The following CACNA1E variants were observed in gnomAD, a reference collection of about 807,000 sequenced individuals.
CACNA1E encodes the protein voltage-dependent R-type calcium channel subunit alpha-1E.
In CACNA1E, 40 loss-of-function variants were observed where a neutral mutation model predicts 259.2. That is an observed-to-expected ratio of 0.15 (90% CI 0.12 to 0.20). The LOEUF (loss-of-function observed/expected upper bound fraction) is 0.20. CACNA1E is among the 10% of genes least tolerant of loss of function. CACNA1E has a pLI of 1.00. For synonymous variants in CACNA1E, 1,104 were observed against 1,138.5 expected (o/e 0.97, Z 0.61); for missense variants, 1,874 against 3,040.1 (o/e 0.62, Z 9.02).
chr1:181,679,432 G>C (rs1169472284), intron 7 of CACNA1E, among the ~76,000 whole-genome samples: 6 of 152,206 alleles, frequency 3.9e-5, no homozygotes, highest in African/African-American at 1.2e-4. Flanking sequence ...AAAATGCACA[G>C]AGCAAAGGTC....
At chr1:181,526,895 A>T (rs543311687) in intron 3 of CACNA1E, among the ~76,000 whole-genome samples, 8 of 152,240 alleles carry the variant, frequency 5.3e-5, no homozygotes, top group Non-Finnish European at 1.2e-4. Flanking sequence ...TAGATTTTCA[A>T]CAATAGTACC....
intron 1 of CACNA1E, among the ~76,000 whole-genome samples, chr1:181,341,087 A>C (rs994813821): frequency 3.3e-5 from 5 of 152,120 alleles, no homozygotes; most frequent in African/African-American, 9.7e-5. Context: ...CCAGGTTCTT[A>C]AAGTTACTCC....
chr1:181,783,558 G>A, intron 39 of CACNA1E, 121 bp from the exon 40 acceptor site: 1 of 596,016 alleles, frequency 1.7e-6, no homozygotes, highest in Non-Finnish European at 3.1e-6. Flanking sequence ...CAGGGGATGG[G>A]GATCCTTGCC....
Position 181,789,409 on chromosome 1 carries a change from T to G in CACNA1E, c.5787-1036T>G, listed in dbSNP as rs925284275. ...TTCCTATGGATTGTTTTTAAGTAATTGGCAATCCTTGCTCATGCCTTGAGT... is the reference window on the plus strand; with the variant it reads ...TTCCTATGGATTGTTTTTAAGTAATGGGCAATCCTTGCTCATGCCTTGAGT... On this transcript the variant is annotated intron_variant, in intron 43 of 47. Coordinates refer to ENST00000367573, the MANE Select transcript of CACNA1E (RefSeq NM_001205293.3). Among the ~76,000 whole-genome samples the G allele has an allele frequency of 2.6e-5, 4 of 152,192 alleles. No individual in the cohort carries two copies. In the East Asian group the frequency reaches 7.7e-4, roughly 29 times the overall value.
chr1:181,403,830 A>C (rs1657272859), intron 1 of CACNA1E, among the ~76,000 whole-genome samples: 1 of 152,072 alleles, frequency 6.6e-6, no homozygotes, highest in African/African-American at 2.4e-5. Flanking sequence ...GGTTGATTGA[A>C]TCTGGGGCTC....
intron 1 of CACNA1E, among the ~76,000 whole-genome samples, chr1:181,369,557 C>A (rs1654533333): frequency 6.6e-6 from 1 of 152,144 alleles, no homozygotes; most frequent in African/African-American, 2.4e-5. Context: ...GACCGCATAC[C>A]AGGAGACATT....
chr1:181,505,335 G>T (rs1390818778), intron 1 of CACNA1E, among the ~76,000 whole-genome samples: 3 of 151,996 alleles, frequency 2.0e-5, no homozygotes, highest in Non-Finnish European at 4.4e-5. Context: ...CTTCCAGCAA[G>T]ACAGAATTTT....
At position 181,732,661 on chromosome 1, in the gene CACNA1E, G is replaced by A; in HGVS notation, c.2575G>A (p.Asp859Asn). 5 of 1,518,582 alleles carry A rather than the reference G, an allele frequency of 3.3e-6. No individual in the cohort carries two copies. Among genetic ancestry groups the A allele is most frequent in the Non-Finnish European group, 4.4e-6 (5 of 1,135,692 alleles). 94.1% of individuals were successfully genotyped at this position (1,518,582 alleles called of 1,614,324 possible). ...CAGCCGTGGGGGGTCCCTCAAGGGG[G>A]ATGGAGGGGACCGATCCAGTGCCCT... ...RISRGGSLKG[D>N]GGDRSSALDN... The change falls in exon 20 of 48, where the codon GAT (aspartate) becomes AAT (asparagine). Residue 859 changes from aspartate to asparagine, a missense_variant. This residue lies in a region of CACNA1E where 476 missense variants were observed against 514.0 expected (regional missense o/e 0.93). Transcript: ENST00000367573. The surrounding 1 kb of genome is among the most constrained non-coding windows in gnomAD (Gnocchi z 5.5).
chr1:181,580,621 C>T lies in CACNA1E; in HGVS notation c.796C>T (p.His266Tyr). ...TATTCTAGAAGGATTTGACCCCCCT[C>T]ACCCATGTGGTGTGCAGGGCTGCCC... ...SGILEGFDPP[H>Y]PCGVQGCPAG... is the part of the protein sequence containing the mutation. Residue 266 changes from histidine to tyrosine, a missense_variant, in exon 6 of 48, where the codon CAC (histidine) becomes TAC (tyrosine). Physicochemically the swap from His to Tyr is moderately conservative, Grantham distance 83 (BLOSUM62 2). This residue lies in a region of CACNA1E where 28 missense variants were observed against 64.6 expected (regional missense o/e 0.43). Coordinates refer to ENST00000367573, the MANE Select transcript of CACNA1E (RefSeq NM_001205293.3). 6.2e-7 allele frequency: 1 copy of T among 1,614,066 alleles called. No individual in the cohort carries two copies. The highest frequency in any genetic ancestry group is 1.1e-5 in the South Asian group (1 of 91,084).
intron 1 of CACNA1E, among the ~76,000 whole-genome samples, chr1:181,495,263 C>A (rs1001043519): frequency 5.3e-5 from 8 of 150,064 alleles, no homozygotes; most frequent in African/African-American, 2.0e-4. Flanking sequence ...TGCATGGAAG[C>A]TTTAGGGTAT....
At chr1:181,794,761 C>A (rs1010004247) in intron 45 of CACNA1E, 103 bp from the exon 46 acceptor site, 30 of 980,022 alleles carry the variant, frequency 3.1e-5, no homozygotes, top group African/African-American at 8.2e-5. Context: ...CCAGGGGTTA[C>A]AATTTGCCTT....
At chr1:181,632,659 G>C (rs1192781990) in intron 6 of CACNA1E, among the ~76,000 whole-genome samples, 8 of 152,164 alleles carry the variant, frequency 5.3e-5, no homozygotes, top group Non-Finnish European at 1.0e-4. Flanking sequence ...CATTTATAAA[G>C]TTCCTTATTG....
chr1:181,482,528 G>C (rs923679540), upstream of CACNA1E, among the ~76,000 whole-genome samples: 2 of 152,244 alleles, frequency 1.3e-5, no homozygotes, highest in Non-Finnish European at 2.9e-5. Flanking sequence ...TCACCTTCCA[G>C]GAACCTCCAG....
At chr1:181,711,258 A>G (rs1017427439) in intron 8 of CACNA1E, among the ~76,000 whole-genome samples, 189 bp downstream of exon 8, 10 of 152,232 alleles carry the variant, frequency 6.6e-5, no homozygotes, top group African/African-American at 2.4e-4. Context: ...TGTCCTGTCT[A>G]TCAAACTGTC....
chr1:181,430,542 C>G (rs187697057), intron 2 of CACNA1E, among the ~76,000 whole-genome samples: 3 of 152,132 alleles, frequency 2.0e-5, no homozygotes, highest in African/African-American at 7.2e-5. Context: ...CCCATGGAGC[C>G]CACTGTGTAC....
intron 3 of CACNA1E, among the ~76,000 whole-genome samples, chr1:181,560,230 T>C (rs1649178113): frequency 2.0e-5 from 3 of 151,892 alleles, no homozygotes; most frequent in Admixed American, 2.0e-4. Context: ...CCTTGCTTTT[T>C]TTTTTAAGTT....
rs1660003756 is a variant in CACNA1E, at chr1:181,776,699, A to G, written c.5267+471A>G. On this transcript the variant is annotated intron_variant, in intron 38 of 47. Coordinates refer to ENST00000367573, the MANE Select transcript of CACNA1E (RefSeq NM_001205293.3). The surrounding 1 kb of genome is among the most constrained non-coding windows in gnomAD (Gnocchi z 4.4). ...GAAATTATTTTTTAAAAACCAAACA[A>G]GTTGTTCTTCCAACTGTTCCCTTAA... Among the ~76,000 whole-genome samples, 1 of 152,226 alleles carries G rather than the reference A, an allele frequency of 6.6e-6. No individual in the cohort carries two copies. The highest frequency in any genetic ancestry group is 2.4e-5 in the African/African-American group (1 of 41,450).
At position 181,455,321 on chromosome 1, in the gene CACNA1E, G is replaced by A. The variant is rs1354663878; in HGVS notation, c.435-28423G>A. 6.6e-5 allele frequency among the ~76,000 whole-genome samples: 10 copies of A among 152,308 alleles called. 1 individual carries two copies. The highest frequency in any genetic ancestry group is 2.2e-4 in the African/African-American group (9 of 41,570). On this transcript the variant is annotated intron_variant, in intron 2 of 11. Coordinates refer to the CACNA1E transcript ENST00000524607. Reference sequence around the variant, plus strand: ...TTGAGGAGTGGAGTGCTCAGGGAGAGCTCCAAGGACAAGGACAAACACTGA... The same window carrying A: ...TTGAGGAGTGGAGTGCTCAGGGAGAACTCCAAGGACAAGGACAAACACTGA...
At chr1:181,333,457 A>G (rs1181428685) in intron 1 of CACNA1E, among the ~76,000 whole-genome samples, 1 of 152,206 alleles carries the variant, frequency 6.6e-6, no homozygotes, top group Non-Finnish European at 1.5e-5. Context: ...CAGTCCTGCC[A>G]ATGTAGCTCA....
Sources: gnomAD v4.1 joint callset for allele counts (sites outside exome capture counted in the v4.1 genomes callset) on GRCh38, gnomAD v4.1.1 for gene constraint, gnomAD v4.1.1 regional missense constraint, Gnocchi (gnomAD v3.1) non-coding constraint, MANE v1.5 for transcripts, NCBI Gene and HGNC (gene_info 2026-07-23, HGNC 2026-07-21) for gene names.